The following ILRUN variants were observed in gnomAD, a reference collection of about 807,000 sequenced individuals.
ILRUN encodes the protein inflammation and lipid regulator with UBA-like and NBR1-like domains.
Under a neutral mutation model 33.8 loss-of-function variants are expected in ILRUN, and 3 were observed. The observed-to-expected ratio is 0.09, with a 90% CI of 0.04 to 0.23. The LOEUF (loss-of-function observed/expected upper bound fraction) is 0.23, where lower values mean the gene tolerates loss of function less well. ILRUN is among the 10% of genes least tolerant of loss of function. ILRUN has a pLI of 1.00. For synonymous variants in ILRUN, 124 were observed against 138.9 expected (o/e 0.89, Z 0.75); for missense variants, 210 against 375.1 (o/e 0.56, Z 3.64).
At chr6:34,604,305 A>G (rs1003969130) in intron 4 of ILRUN, among the ~76,000 whole-genome samples, 4 of 152,156 alleles carry the variant, frequency 2.6e-5, no homozygotes, top group Non-Finnish European at 5.9e-5. Context: ...ACCATTCCCA[A>G]CCGTCTGTGA....
intron 1 of ILRUN, 178 bp downstream of exon 1, chr6:34,696,268 C>T (rs1763770473): frequency 1.6e-6 from 1 of 645,130 alleles, no homozygotes; most frequent in African/African-American, 1.8e-5. Flanking sequence ...TTTAGCCCTG[C>T]TCAGCCCCCA....
At chr6:34,676,484 G>GATAGA (rs535155041) in intron 1 of ILRUN, among the ~76,000 whole-genome samples, 27 of 149,752 alleles carry the variant, frequency 1.8e-4, no homozygotes, top group African/African-American at 6.4e-4. Flanking sequence ...AGCTAGATAG[G>GATAGA]TAGATATGCA....
At chr6:34,660,003 C>G (rs1228778570) in intron 1 of ILRUN, among the ~76,000 whole-genome samples, 1 of 151,912 alleles carries the variant, frequency 6.6e-6, no homozygotes, top group Non-Finnish European at 1.5e-5. Flanking sequence ...CAGTAGAAAA[C>G]AGTTAAGAAA....
chr6:34,627,111 G>C (rs1182220358), intron 3 of ILRUN, among the ~76,000 whole-genome samples: 1 of 151,992 alleles, frequency 6.6e-6, no homozygotes, highest in Non-Finnish European at 1.5e-5. Context: ...TGCTTTTACT[G>C]TCTCCGTAGT....
At chr6:34,655,711 A>G (rs935279657) in intron 1 of ILRUN, among the ~76,000 whole-genome samples, 1 of 152,186 alleles carries the variant, frequency 6.6e-6, no homozygotes, top group South Asian at 2.1e-4. Context: ...AATTCCTATT[A>G]AGTGATACTG....
In ILRUN at chr6:34,597,280, C is replaced by T. The variant is rs142649550; in HGVS notation, c.862-6680G>A. Among the ~76,000 whole-genome samples, 30 of 152,336 alleles carry T rather than the reference C, an allele frequency of 2.0e-4. No homozygotes were observed. In the East Asian group the frequency reaches 5.4e-3, roughly 27 times the overall value. ...TATTCAGAATTCTAGCTCCAAAGAT[C>T]TGATGTAACAGCAAGTGTGCTAGAA... On this transcript the variant is annotated intron_variant, in intron 4 of 4. Coordinates refer to ENST00000374023, the MANE Select transcript of ILRUN (RefSeq NM_024294.4).
intron 1 of ILRUN, among the ~76,000 whole-genome samples, chr6:34,683,340 T>C (rs888080411): frequency 1.3e-5 from 2 of 148,792 alleles, no homozygotes; most frequent in Admixed American, 1.4e-4. Flanking sequence ...TGTTTAAAGG[T>C]TTATATATAT....
At chr6:34,654,498 T>A (rs990616148) in intron 2 of ILRUN, 127 bp downstream of exon 2, 1 of 913,846 alleles carries the variant, frequency 1.1e-6, no homozygotes, top group African/African-American at 1.7e-5. Context: ...AAGAAAATAC[T>A]ACATATCATG....
intron 1 of ILRUN, among the ~76,000 whole-genome samples, chr6:34,694,289 T>G (rs1763709325): frequency 6.6e-6 from 1 of 152,156 alleles, no homozygotes; most frequent in Admixed American, 6.5e-5. Context: ...TAAAACTTAC[T>G]AGGGTAGTGT....
intron 1 of ILRUN, 43 bp downstream of exon 1, chr6:34,696,403 C>G: frequency 1.3e-6 from 2 of 1,531,336 alleles, no homozygotes; most frequent in Non-Finnish European, 1.8e-6. Flanking sequence ...CCCTCGGGGC[C>G]CCCGAGGCCG....
At chr6:34,671,337 G>C (rs923772468) in intron 1 of ILRUN, among the ~76,000 whole-genome samples, 1 of 152,192 alleles carries the variant, frequency 6.6e-6, no homozygotes, top group African/African-American at 2.4e-5. Flanking sequence ...AGTGAGCCAT[G>C]ATCGCGCCGC....
chr6:34,598,683 A>G (rs1435958532), intron 4 of ILRUN, among the ~76,000 whole-genome samples: 2 of 152,232 alleles, frequency 1.3e-5, no homozygotes, highest in Non-Finnish European at 2.9e-5. Flanking sequence ...GAAGCTACTG[A>G]GGTACAAAAA....
intron 1 of ILRUN, among the ~76,000 whole-genome samples, chr6:34,690,197 AC>A (rs1299277653): frequency 6.6e-6 from 1 of 152,228 alleles, no homozygotes; most frequent in Non-Finnish European, 1.5e-5. Flanking sequence ...ATGGTGGCTC[AC>A]ACCTGTAATC....
At chr6:34,649,044 G>C (rs1027282816) in intron 2 of ILRUN, among the ~76,000 whole-genome samples, 1 of 152,110 alleles carries the variant, frequency 6.6e-6, no homozygotes, top group Admixed American at 6.5e-5. Context: ...TTAAACACTG[G>C]CATTTGGCTA....
chr6:34,674,053 A>T (rs1763176099), intron 1 of ILRUN, among the ~76,000 whole-genome samples: 1 of 152,044 alleles, frequency 6.6e-6, no homozygotes, highest in Admixed American at 6.6e-5. Flanking sequence ...TTTGAAACGG[A>T]GTCTTGCTCT....
In ILRUN at chr6:34,676,659, C is replaced by T. The variant is rs116352063; in HGVS notation, c.158+19787G>A. ...CTGGGACTACAGGTGCACACCACCT[C>T]GCCCAGCTAAACATACTTTCTTTGA... On this transcript the variant is annotated intron_variant, in intron 1 of 4. Coordinates refer to ENST00000374023, the MANE Select transcript of ILRUN (RefSeq NM_024294.4). Among the ~76,000 whole-genome samples the T allele has an allele frequency of 4.4e-3, 662 of 151,950 alleles. 6 individuals are homozygous for T. Among genetic ancestry groups the T allele is most frequent in the African/African-American group, 0.015 (604 of 41,448 alleles).
intron 1 of ILRUN, among the ~76,000 whole-genome samples, chr6:34,695,341 G>A (rs1763741149): frequency 6.6e-6 from 1 of 152,198 alleles, no homozygotes; most frequent in Non-Finnish European, 1.5e-5. Flanking sequence ...AGAAATATTA[G>A]TTGCTTCACC....
At chr6:34,629,972 T>C (rs912245428) in intron 3 of ILRUN, among the ~76,000 whole-genome samples, 1 of 152,188 alleles carries the variant, frequency 6.6e-6, no homozygotes, top group Non-Finnish European at 1.5e-5. Flanking sequence ...GACTTATAAA[T>C]TAGGCCCAGT....
intron 1 of ILRUN, among the ~76,000 whole-genome samples, chr6:34,677,943 C>T (rs1403142784): frequency 7.8e-6 from 1 of 127,740 alleles, no homozygotes; most frequent in Non-Finnish European, 1.6e-5. Context: ...TGAGATCCTG[C>T]CTCCAAAAAA....
Sources: gnomAD v4.1 joint callset for allele counts (sites outside exome capture counted in the v4.1 genomes callset) on GRCh38, gnomAD v4.1.1 for gene constraint, MANE v1.5 for transcripts, NCBI Gene and HGNC (gene_info 2026-07-23, HGNC 2026-07-21) for gene names.